Variants in TENM3 observed in about 807,000 individuals in gnomAD.
TENM3 encodes the protein teneurin transmembrane protein 3.
In TENM3, 63 loss-of-function variants were observed where a neutral mutation model predicts 255.1. The observed-to-expected ratio is 0.25, with a 90% CI of 0.20 to 0.30. TENM3 has a LOEUF of 0.30. Among genes scored for constraint, TENM3 ranks in the 10% least tolerant of loss-of-function variants. TENM3 has a pLI of 1.00. For synonymous variants in TENM3, 1,306 were observed against 1,322.3 expected, an observed-to-expected ratio of 0.99 and a Z score of 0.27; for missense variants, 2,929 against 3,461.1, an observed-to-expected ratio of 0.85 and a Z score of 3.86.
At chr4:182,147,008 T>G (rs1750015161) in intron 1 of TENM3, among the ~76,000 whole-genome samples, 1 of 152,248 alleles carries the variant, frequency 6.6e-6, no homozygotes, top group East Asian at 1.9e-4. Flanking sequence ...CAAAGAAAGA[T>G]AAGGATGCTT....
the TENM3 span, among the ~76,000 whole-genome samples, chr4:181,888,001 T>C: frequency 6.6e-6 from 1 of 152,166 alleles, no homozygotes; most frequent in Non-Finnish European, 1.5e-5. Flanking sequence ...GGCTCAATTT[T>C]ATTCTATTCT....
At chr4:182,594,116 T>C (rs894529262) in intron 3 of TENM3, among the ~76,000 whole-genome samples, 4 of 152,208 alleles carry the variant, frequency 2.6e-5, no homozygotes, top group Non-Finnish European at 5.9e-5. Context: ...TTCCTTCCTG[T>C]GTGAGAACTG....
At chr4:182,093,155 C>T in the TENM3 span, among the ~76,000 whole-genome samples, 6 of 152,228 alleles carry the variant, frequency 3.9e-5, no homozygotes, top group African/African-American at 1.2e-4. Flanking sequence ...CCAAAGATAT[C>T]GGTGTCTTTA....
At position 182,673,135 on chromosome 4, in the gene TENM3, G is replaced by A. The variant is rs1165449131; in HGVS notation, c.1242G>A (p.Gln414=). 3 of 1,613,776 alleles carry A rather than the reference G, an allele frequency of 1.9e-6. No homozygotes were observed. Among genetic ancestry groups the A allele is most frequent in the Admixed American group, 1.7e-5 (1 of 60,016 alleles). ...WRSQLFIDQP[Q]FLKFNISLQK... The stretch of plus-strand genomic sequence containing the variant: ...CACAGCTCTTCATTGATCAGCCACA[G>A]TTTCTTAAATTCAATATCTCTCTTC... The change falls in exon 7 of 28, where the codon CAG becomes CAA. Residue 414 remains glutamine (Q), a synonymous_variant. Transcript: ENST00000511685.
chr4:181,840,137 C>T, the TENM3 span, among the ~76,000 whole-genome samples: 1 of 151,956 alleles, frequency 6.6e-6, no homozygotes, highest in African/African-American at 2.4e-5. Context: ...TTACTGTTTT[C>T]TAAGTCACCT....
At chr4:181,978,791 A>G in the TENM3 span, among the ~76,000 whole-genome samples, 6 of 151,792 alleles carry the variant, frequency 4.0e-5, no homozygotes, top group African/African-American at 1.4e-4. Context: ...AGGCCATCTC[A>G]CTATCTGAAA....
chr4:182,243,693 A>G (rs1383993506), intron 1 of TENM3, among the ~76,000 whole-genome samples: 1 of 152,216 alleles, frequency 6.6e-6, no homozygotes, highest in Non-Finnish European at 1.5e-5. Flanking sequence ...GAGCAGTTCA[A>G]GATGCTTGAA....
intron 3 of TENM3, among the ~76,000 whole-genome samples, chr4:182,398,652 G>A (rs1375728173): frequency 6.6e-6 from 1 of 152,166 alleles, no homozygotes; most frequent in Non-Finnish European, 1.5e-5. Context: ...AAACAGGGGT[G>A]TTACAGGCAT....
chr4:182,094,445 AC>A, the TENM3 span, among the ~76,000 whole-genome samples: 2 of 152,004 alleles, frequency 1.3e-5, no homozygotes, highest in South Asian at 2.1e-4. Flanking sequence ...ACGGGGTTTC[AC>A]CATGTTGGCC....
chr4:181,724,845 A>G, the TENM3 span, among the ~76,000 whole-genome samples: 1 of 152,212 alleles, frequency 6.6e-6, no homozygotes, highest in African/African-American at 2.4e-5. Context: ...CTTTCCTGGC[A>G]GATCAGAATA....
the TENM3 span, among the ~76,000 whole-genome samples, chr4:181,486,298 G>A: frequency 1.3e-5 from 2 of 152,104 alleles, no homozygotes; most frequent in Non-Finnish European, 1.5e-5. Context: ...AGTGGCCTCC[G>A]CTGCCAGCAC....
the TENM3 span, among the ~76,000 whole-genome samples, chr4:181,930,654 C>G: frequency 6.6e-6 from 1 of 152,138 alleles, no homozygotes; most frequent in African/African-American, 2.4e-5. Flanking sequence ...AGACTCCTCC[C>G]TAACTCATTT....
chr4:181,789,361 A>C, the TENM3 span, among the ~76,000 whole-genome samples: 1 of 151,712 alleles, frequency 6.6e-6, no homozygotes, highest in Non-Finnish European at 1.5e-5. Flanking sequence ...GGTTCAAGCA[A>C]TTCTCCTGCC....
the TENM3 span, among the ~76,000 whole-genome samples, chr4:181,751,030 CA>C: frequency 6.6e-6 from 1 of 152,200 alleles, no homozygotes; most frequent in Admixed American, 6.5e-5. Context: ...ATATTCCTTT[CA>C]CCAGCTGGCT....
Position 182,161,619 on chromosome 4 carries a change from A to ATATACAAATATATATATGTATATG in TENM3, c.-76+16869_-76+16870insCAAATATATATATGTATATGTATA, listed in dbSNP as rs1561152397. Reference sequence around the variant, plus strand: ...TATATACATATATATATATGTATATATATATACAAATATATATATGTATAT... The same window carrying ATATACAAATATATATATGTATATG: ...TATATACATATATATATATGTATATATATACAAATATATATATGTATATGTATATACAAATATATATATGTATAT... On this transcript the variant is annotated intron_variant, in intron 1 of 2. Coordinates refer to the TENM3 transcript ENST00000512480. 1.5e-4 allele frequency among the ~76,000 whole-genome samples: 15 copies of ATATACAAATATATATATGTATATG among 99,010 alleles called. 1 individual carries two copies. Among genetic ancestry groups the ATATACAAATATATATATGTATATG allele is most frequent in the Admixed American group, 5.8e-4 (5 of 8,554 alleles). The allele number at this position is 99,010 out of a possible 152,430, so 65.0% of individuals were successfully genotyped here. A position where few individuals can be genotyped will look rare whatever the true frequency, so the allele number is the denominator to read the frequency against.
chr4:181,953,173 A>G, the TENM3 span, among the ~76,000 whole-genome samples: 4 of 152,036 alleles, frequency 2.6e-5, no homozygotes, highest in Non-Finnish European at 4.4e-5. Context: ...AGTGCTTTCT[A>G]TATGCTTCAA....
the TENM3 span, among the ~76,000 whole-genome samples, chr4:182,132,959 C>T: frequency 6.6e-6 from 1 of 152,258 alleles, no homozygotes; most frequent in African/African-American, 2.4e-5. Flanking sequence ...ATGAGGACCA[C>T]ATGAGACAAT....
chr4:181,870,267 A>G, the TENM3 span, among the ~76,000 whole-genome samples: 3 of 152,194 alleles, frequency 2.0e-5, no homozygotes, highest in Admixed American at 6.5e-5. Context: ...TTTAGATACT[A>G]TGATTCAAGC....
intron 1 of TENM3, among the ~76,000 whole-genome samples, chr4:182,312,857 T>G (rs1380381694): frequency 6.6e-6 from 1 of 152,218 alleles, no homozygotes; most frequent in Non-Finnish European, 1.5e-5. Flanking sequence ...GATCCTTGAG[T>G]GCCTTTTCCC....
Sources: allele counts gnomAD v4.1 joint callset (sites outside exome capture counted in the v4.1 genomes callset), GRCh38; gene constraint gnomAD v4.1.1; transcripts MANE v1.5; gene names NCBI Gene and HGNC (gene_info 2026-07-23, HGNC 2026-07-21).